Variants in ARHGAP10 observed in about 807,000 individuals in gnomAD.
ARHGAP10 encodes the protein rho GTPase-activating protein 10.
ARHGAP10 carries 87 observed loss-of-function variants against 108.6 expected under a neutral mutation model. The observed-to-expected ratio is 0.80, with a 90% CI of 0.67 to 0.96. ARHGAP10 has a LOEUF of 0.96. ARHGAP10 is among the 40% of genes least tolerant of loss of function. The pLI, the probability that ARHGAP10 is intolerant of heterozygous loss-of-function variation, is 0.00. For missense variants in ARHGAP10, 939 were observed against 954.5 expected (o/e 0.98, Z 0.21); for synonymous variants, 347 against 341.1 (o/e 1.02, Z -0.19).
chr4:147,839,745 T>C (rs1284291090), intron 3 of ARHGAP10, among the ~76,000 whole-genome samples: 1 of 152,218 alleles, frequency 6.6e-6, no homozygotes. Context: ...AGGTTGGTTG[T>C]TATTCTCAAC....
intron 13 of ARHGAP10, among the ~76,000 whole-genome samples, chr4:147,936,565 A>G (rs968665503): frequency 1.3e-5 from 2 of 151,062 alleles, no homozygotes; most frequent in African/African-American, 2.4e-5. Context: ...TCCTGACCTC[A>G]TGATCCACCC....
intron 1 of ARHGAP10, among the ~76,000 whole-genome samples, chr4:147,787,453 G>A (rs1009551352): frequency 9.6e-4 from 18 of 18,764 alleles, no homozygotes; most frequent in Admixed American, 2.5e-3. Flanking sequence ...TGATGGAAGC[G>A]GTGGGGGAGG....
intron 18 of ARHGAP10, among the ~76,000 whole-genome samples, chr4:147,993,355 A>T (rs535583566): frequency 6.6e-6 from 1 of 152,334 alleles, no homozygotes; most frequent in East Asian, 1.9e-4. Context: ...CTAGGTGATG[A>T]TGTATGTAGG....
chr4:147,850,540 T>C (rs1410060663), intron 4 of ARHGAP10, among the ~76,000 whole-genome samples: 1 of 152,122 alleles, frequency 6.6e-6, no homozygotes, highest in Admixed American at 6.6e-5. Flanking sequence ...TAACAGTCAC[T>C]GCAAAGGTCT....
chr4:147,810,158 C>T (rs1179941244), intron 1 of ARHGAP10, among the ~76,000 whole-genome samples: 1 of 152,124 alleles, frequency 6.6e-6, no homozygotes, highest in East Asian at 1.9e-4. Context: ...TCCCTTTTTT[C>T]TTCCCTACCA....
intron 18 of ARHGAP10, among the ~76,000 whole-genome samples, chr4:147,999,665 T>C (rs1381120273): frequency 6.6e-6 from 1 of 152,182 alleles, no homozygotes; most frequent in African/African-American, 2.4e-5. Context: ...CAGCTTCGAA[T>C]AGAGCTCTAA....
chr4:147,982,757 A>T (rs928966284), intron 18 of ARHGAP10, among the ~76,000 whole-genome samples: 1 of 151,520 alleles, frequency 6.6e-6, no homozygotes, highest in Non-Finnish European at 1.5e-5. Flanking sequence ...AATTTTCCTG[A>T]ATTTTATCCC....
At chr4:147,957,526 T>A (rs1260088911) in intron 16 of ARHGAP10, among the ~76,000 whole-genome samples, 1 of 152,210 alleles carries the variant, frequency 6.6e-6, no homozygotes, top group Admixed American at 6.5e-5. Flanking sequence ...CTTACCTGGT[T>A]TTGCTCAAGT....
intron 22 of ARHGAP10, among the ~76,000 whole-genome samples, chr4:148,069,790 C>A (rs1260366450): frequency 2.0e-5 from 3 of 152,172 alleles, no homozygotes; most frequent in Non-Finnish European, 4.4e-5. Context: ...AGGGCTCTGA[C>A]TTCAGCCCTG....
At chr4:147,942,162 A>G (rs1311783211) in intron 14 of ARHGAP10, among the ~76,000 whole-genome samples, 2 of 152,172 alleles carry the variant, frequency 1.3e-5, no homozygotes, top group Non-Finnish European at 2.9e-5. Flanking sequence ...GTTTATTATT[A>G]TTCCTGCAGG....
chr4:147,794,204 T>A (rs907695478), intron 1 of ARHGAP10, among the ~76,000 whole-genome samples: 13 of 152,338 alleles, frequency 8.5e-5, no homozygotes, highest in South Asian at 6.2e-4. Context: ...TGTGAGTGAT[T>A]CATTTCACTT....
chr4:147,970,913 C>A (rs1457676524), intron 18 of ARHGAP10, among the ~76,000 whole-genome samples: 1 of 152,008 alleles, frequency 6.6e-6, no homozygotes. Flanking sequence ...CATGGCAAAA[C>A]CCCATCTCTA....
Position 147,907,068 on chromosome 4 carries a change from G to C in ARHGAP10, c.1116+349G>C, listed in dbSNP as rs571754730. Among the ~76,000 whole-genome samples, 7 of 152,264 alleles carry C rather than the reference G, an allele frequency of 4.6e-5. No individual in the cohort carries two copies. In the South Asian group the frequency reaches 1.5e-3, roughly 32 times the overall value. On this transcript the variant is annotated intron_variant, in intron 11 of 22. Coordinates refer to ENST00000336498, the MANE Select transcript of ARHGAP10 (RefSeq NM_024605.4). ...AATGCATTTTGATCTCAGTGGAGAT[G>C]GAACAGGAAATGTGAGATAGTGCAG... is the stretch of plus-strand genomic sequence containing the variant.
intron 1 of ARHGAP10, among the ~76,000 whole-genome samples, chr4:147,777,878 A>G (rs922481146): frequency 6.6e-6 from 1 of 152,300 alleles, no homozygotes. Flanking sequence ...GTTTCTAAAG[A>G]CACTCTTTCC....
intron 1 of ARHGAP10, among the ~76,000 whole-genome samples, chr4:147,816,232 T>C (rs1431355941): frequency 1.3e-5 from 2 of 152,150 alleles, no homozygotes; most frequent in African/African-American, 4.8e-5. Flanking sequence ...TGGATGGTGG[T>C]CTCCAGTGTG....
Position 147,966,780 on chromosome 4 carries a change from C to T in ARHGAP10, c.1657C>T (p.Leu553Phe). The T allele has an allele frequency of 2.5e-6, 4 of 1,603,204 alleles. No individual in the cohort carries two copies. The highest frequency in any genetic ancestry group is 1.7e-6 in the Non-Finnish European group (2 of 1,172,590). Residue 553 changes from leucine (L) to phenylalanine (F), a missense_variant, in exon 18 of 23, where the codon CTC becomes TTC. By Grantham distance (22) the Leu-to-Phe change is conservative (BLOSUM62 0). Transcript: ENST00000336498. ...GCCACAGGAAGAAACTGTCGCTGCC[C>T]TCATGGACTTGAAGTTTCAGAATAT... ...MRPQEETVAA[L>F]MDLKFQNIVV...
Position 147,875,149 on chromosome 4 carries a change from A to G in ARHGAP10, c.831A>G (p.Lys277=). 1 of 1,574,280 alleles carries G rather than the reference A, an allele frequency of 6.4e-7. No homozygotes were observed. Among genetic ancestry groups the G allele is most frequent in the Non-Finnish European group, 8.6e-7 (1 of 1,168,362 alleles). Residue 277 remains lysine (K), a splice_region_variant and synonymous_variant, in exon 8 of 23, where the codon AAA becomes AAG. Transcript: ENST00000336498. ...TAEGYLYVQE[K]RPAPFGSSWV... ...AAGGCTACCTGTATGTCCAGGAAAA[A>G]AGTAAGAGGCCCTCCAGCAGTGGCT... is the stretch of plus-strand genomic sequence containing the variant.
In ARHGAP10 at chr4:148,064,265, C is replaced by T. The variant is rs916738390; in HGVS notation, c.2181-151C>T. ...CTTGAAAATCAAGTACTGTTCTTAGCCTGATGTTCACTTCCACGTTAATTT... is the reference window on the plus strand; with the variant it reads ...CTTGAAAATCAAGTACTGTTCTTAGTCTGATGTTCACTTCCACGTTAATTT... On this transcript the variant is annotated intron_variant, in intron 21 of 22. Coordinates refer to ENST00000336498, the MANE Select transcript of ARHGAP10 (RefSeq NM_024605.4). The T allele has an allele frequency of 3.4e-5, 21 of 616,680 alleles. No individual in the cohort carries two copies. The African/African-American group carries it at 3.7e-4, about 11-fold the overall frequency. The allele number at this position is 616,680 out of a possible 1,614,324, so 38.2% of individuals were successfully genotyped here.
intron 1 of ARHGAP10, among the ~76,000 whole-genome samples, chr4:147,821,015 C>G (rs1426612731): frequency 6.6e-6 from 1 of 152,174 alleles, no homozygotes; most frequent in Non-Finnish European, 1.5e-5. Context: ...ACTCACTGGG[C>G]AGTTACATGT....
Sources: allele counts gnomAD v4.1 joint callset (sites outside exome capture counted in the v4.1 genomes callset), GRCh38; gene constraint gnomAD v4.1.1; transcripts MANE v1.5; gene names NCBI Gene and HGNC (gene_info 2026-07-23, HGNC 2026-07-21).